The following RCHY1 variants were observed in gnomAD, a reference collection of about 807,000 sequenced individuals.
The protein encoded by RCHY1 is RING finger and CHY zinc finger domain-containing protein 1.
In RCHY1, 21 loss-of-function variants were observed where a neutral mutation model predicts 41.6. That is an observed-to-expected ratio of 0.51 (90% CI 0.36 to 0.73). The LOEUF (loss-of-function observed/expected upper bound fraction) is 0.73, where lower values mean the gene tolerates loss of function less well. Among genes scored for constraint, RCHY1 ranks in the 30% least tolerant of loss-of-function variants. The probability of loss-of-function intolerance (pLI) is 0.00; values close to 1 mark genes in which losing one functional copy is unlikely to be tolerated. For missense variants in RCHY1, 265 were observed against 325.3 expected (o/e 0.81, Z 1.43); for synonymous variants, 79 against 102.9 (o/e 0.77, Z 1.41).
Position 75,482,639 on chromosome 4 carries a change from A to G in RCHY1, c.685T>C (p.Ser229Pro). Residue 229 changes from serine to proline, a missense_variant, in exon 9 of 9, where the codon TCC becomes CCC. Transcript: ENST00000324439. ...DILCNDCNGR[S>P]TVQFHILGMK... ...CCTAATATATGAAACTGAACAGTGG[A>G]TCGTCCATTACAGTCATTGCAGAGA... 3 of 1,610,634 alleles carry G rather than the reference A, an allele frequency of 1.9e-6. No individual in the cohort carries two copies. The highest frequency in any genetic ancestry group is 2.5e-6 in the Non-Finnish European group (3 of 1,177,530).
Position 75,490,594 on chromosome 4 carries a change from TTC to T in RCHY1, c.642_643del (p.Asn215HisfsTer9). 1 of 1,612,524 alleles carries T rather than the reference TTC, an allele frequency of 6.2e-7. No homozygotes were observed. The highest frequency in any genetic ancestry group is 2.2e-5 in the East Asian group (1 of 44,800). Reference sequence around the variant, plus strand: ...GATTCTACTCACATCCACAGTCATGTTCTGATATTCTGATGGCATAGGAGTCT... The same window carrying T: ...GATTCTACTCACATCCACAGTCATGTTGATATTCTGATGGCATAGGAGTCT... On this transcript the variant is annotated frameshift_variant, in exon 8 of 9. Coordinates refer to ENST00000324439, the MANE Select transcript of RCHY1 (RefSeq NM_015436.4). LOFTEE classifies it high-confidence loss of function.
chr4:75,502,174 A>G (rs1329956092), intron 3 of RCHY1, among the ~76,000 whole-genome samples: 8 of 152,144 alleles, frequency 5.3e-5, no homozygotes, highest in Admixed American at 4.6e-4. Context: ...CTCTGTACCC[A>G]GGTCTAGTTC....
intron 2 of RCHY1, 61 bp downstream of exon 2, chr4:75,509,116 T>A: frequency 6.7e-7 from 1 of 1,490,138 alleles, no homozygotes; most frequent in Non-Finnish European, 9.1e-7. Context: ...TTTGATTAAA[T>A]TTTTTCAAAC....
chr4:75,509,387 G>C (rs1724660530), intron 1 of RCHY1, 91 bp from the exon 2 acceptor site: 4 of 1,200,074 alleles, frequency 3.3e-6, no homozygotes, highest in Non-Finnish European at 4.7e-6. Flanking sequence ...CCTCCTCCTG[G>C]ATGGAACTGA....
At position 75,491,731 on chromosome 4, in the gene RCHY1, A is replaced by T; in HGVS notation, c.502T>A (p.Leu168Ile). 6.2e-7 allele frequency: 1 copy of T among 1,612,700 alleles called. No homozygotes were observed. Among genetic ancestry groups the T allele is most frequent in the Non-Finnish European group, 8.5e-7 (1 of 1,179,062 alleles). ...VAHVLPCGHL[L>I]HRTCYEEMLK... is the part of the protein sequence containing the mutation. ...AAAAAGATGTTACTTTACCTATGTAAAAGATGTCCACATGGCAAGACATGA... is the reference window on the plus strand; with the variant it reads ...AAAAAGATGTTACTTTACCTATGTATAAGATGTCCACATGGCAAGACATGA... The change falls in exon 6 of 9, where the codon TTA becomes ATA. Residue 168 changes from leucine (L) to isoleucine (I), a missense_variant. Transcript: ENST00000324439.
chr4:75,512,912 G>A (rs201182132), intron 1 of RCHY1, among the ~76,000 whole-genome samples: 2 of 137,290 alleles, frequency 1.5e-5, no homozygotes, highest in Admixed American at 7.3e-5. Flanking sequence ...AGGGGGGGGG[G>A]GGGGCGGGGG....
At chr4:75,507,840 G>A (rs1408150587) in intron 3 of RCHY1, among the ~76,000 whole-genome samples, 1 of 151,964 alleles carries the variant, frequency 6.6e-6, no homozygotes, top group African/African-American at 2.4e-5. Flanking sequence ...AAACACAAAA[G>A]AGCATATACT....
intron 3 of RCHY1, among the ~76,000 whole-genome samples, chr4:75,506,883 G>T (rs781715374): frequency 6.6e-6 from 1 of 152,038 alleles, no homozygotes; most frequent in Non-Finnish European, 1.5e-5. Flanking sequence ...AAAAAACAGC[G>T]AGAGGAGGAT....
intron 2 of RCHY1, 26 bp from the exon 3 acceptor site, chr4:75,508,961 T>C: frequency 6.8e-7 from 1 of 1,460,528 alleles, no homozygotes; most frequent in East Asian, 2.3e-5. Context: ...AATTAAAAAC[T>C]GCAATAAACT....
intron 8 of RCHY1, among the ~76,000 whole-genome samples, chr4:75,486,544 T>C (rs1722020620): frequency 1.3e-5 from 2 of 152,018 alleles, no homozygotes; most frequent in South Asian, 4.1e-4. Flanking sequence ...ACAAAACAGT[T>C]CAAAATTACT....
Position 75,479,650 on chromosome 4 carries a change from A to G in RCHY1, c.*2888T>C, listed in dbSNP as rs1721373522. 2 of 151,908 alleles carry G rather than the reference A, an allele frequency of 1.3e-5. No homozygotes were observed. Among genetic ancestry groups the G allele is most frequent in the African/African-American group, 4.8e-5 (2 of 41,474 alleles). The allele number at this position is 151,908 out of a possible 1,614,324, so 9.4% of individuals were successfully genotyped here. ...CTTGATATACACTCATTTTTTTTTT[A>G]TACATACATCTTTAATGATAAAAGA... is the stretch of plus-strand genomic sequence containing the variant. On this transcript the variant is annotated 3_prime_UTR_variant, in exon 9 of 9. Transcript: ENST00000324439.
intron 3 of RCHY1, among the ~76,000 whole-genome samples, chr4:75,500,503 A>G (rs1183091590): frequency 6.6e-6 from 1 of 152,246 alleles, no homozygotes; most frequent in Non-Finnish European, 1.5e-5. Flanking sequence ...ATATAGCCAC[A>G]GTCCAAAGAT....
intron 3 of RCHY1, among the ~76,000 whole-genome samples, chr4:75,498,579 A>G (rs1723441751): frequency 6.6e-6 from 1 of 151,958 alleles, no homozygotes; most frequent in Admixed American, 6.6e-5. Context: ...TGGTACTGGC[A>G]TAAAAAGAGA....
chr4:75,511,711 A>G (rs530698686), intron 1 of RCHY1, among the ~76,000 whole-genome samples: 9 of 152,216 alleles, frequency 5.9e-5, no homozygotes, highest in African/African-American at 1.9e-4. Context: ...TAAAAAAACT[A>G]TAGGTGTAGT....
chr4:75,506,137 A>C lies in RCHY1; in HGVS notation c.326+2683T>G, dbSNP rs535660471. On this transcript the variant is annotated intron_variant, in intron 3 of 8. Coordinates refer to ENST00000324439, the MANE Select transcript of RCHY1 (RefSeq NM_015436.4). ...AAAATAGAACAGGACATACAAAAAA[A>C]AAAAAAACAAAAATTAGTCTCTAAT... 1.5e-3 allele frequency among the ~76,000 whole-genome samples: 224 copies of C among 152,058 alleles called. 2 individuals are homozygous for C. The highest frequency in any genetic ancestry group is 2.6e-3 in the Non-Finnish European group (180 of 67,946).
At chr4:75,512,971 T>C (rs893790012) in intron 1 of RCHY1, among the ~76,000 whole-genome samples, 1 of 148,830 alleles carries the variant, frequency 6.7e-6, no homozygotes, top group African/African-American at 2.5e-5. Flanking sequence ...AGTGCTATGA[T>C]ACACAGATCT....
At chr4:75,491,506 C>A in intron 7 of RCHY1, 105 bp downstream of exon 7, 1 of 965,888 alleles carries the variant, frequency 1.0e-6, no homozygotes, top group South Asian at 1.6e-5. Context: ...ATAAATATTG[C>A]CATGCCCAAT....
chr4:75,482,674 G>C lies in RCHY1; in HGVS notation c.658-8C>G, dbSNP rs544449344. The stretch of plus-strand genomic sequence containing the variant: ...ACAGTCATTGCAGAGAATCTGAAAA[G>C]AGATTAATTCAAATTAAGTATTTTA... On this transcript the variant is annotated splice_region_variant and splice_polypyrimidine_tract_variant and intron_variant, in intron 8 of 8. Transcript: ENST00000324439. The C allele has an allele frequency of 1.1e-5, 18 of 1,586,006 alleles. No homozygotes were observed. The Admixed American group carries it at 2.1e-4, about 18-fold the overall frequency.
At position 75,509,247 on chromosome 4, in the gene RCHY1, T is replaced by C. The variant is rs1560531468; in HGVS notation, c.140A>G (p.Asn47Ser). The C allele has an allele frequency of 8.7e-6, 14 of 1,613,360 alleles. No homozygotes were observed. In the African/African-American group the frequency reaches 9.3e-5, roughly 11 times the overall value. The change falls in exon 2 of 9, where the codon AAT becomes AGT. Residue 47 changes from asparagine (N) to serine (S), a missense_variant. Asn to Ser is a conservative substitution (Grantham distance 46). Transcript: ENST00000324439. ...AAAGCGATCTAGTTGATGATCTTCA[T>C]TGTTATCATGACACAAGCGGCAAGT... is the stretch of plus-strand genomic sequence containing the variant. ...LYTCRLCHDN[N>S]EDHQLDRFKV...
Sources: allele counts gnomAD v4.1 joint callset (sites outside exome capture counted in the v4.1 genomes callset), GRCh38; gene constraint gnomAD v4.1.1; transcripts MANE v1.5; gene names NCBI Gene and HGNC (gene_info 2026-07-23, HGNC 2026-07-21).